The following MTRR variants were observed in gnomAD, a reference collection of about 807,000 sequenced individuals.
MTRR encodes methionine synthase reductase.
A neutral mutation model predicts 79.2 loss-of-function variants in MTRR; 63 were observed. The observed-to-expected ratio is 0.80, with a 90% CI of 0.65 to 0.98. The LOEUF (loss-of-function observed/expected upper bound fraction) is 0.98, where lower values mean the gene tolerates loss of function less well. Among genes scored for constraint, MTRR ranks in the 50% least tolerant of loss-of-function variants. MTRR has a pLI of 0.00. For synonymous variants in MTRR, 355 were observed against 313.3 expected, an observed-to-expected ratio of 1.13 and a Z score of -1.41; for missense variants, 895 against 839.6, an observed-to-expected ratio of 1.07 and a Z score of -0.82.
At chr5:7,856,200 A>G (rs1032116808) in intron 1 of MTRR, among the ~76,000 whole-genome samples, 2 of 152,174 alleles carry the variant, frequency 1.3e-5, no homozygotes, top group African/African-American at 4.8e-5. Context: ...GAGCTCTGCA[A>G]TTGAGGGGGA....
rs548255684 is a variant in MTRR at position 7,886,787 on chromosome 5, C to T, written c.1146+84C>T. The T allele has an allele frequency of 1.0e-4, 109 of 1,085,786 alleles. No homozygotes were observed. The South Asian group carries it at 1.3e-3, about 13-fold the overall frequency. 67.3% of individuals were successfully genotyped at this position (1,085,786 alleles called of 1,614,324 possible). ...ATTGATTAAACAAATTTAGAATATG[C>T]CCTTTGCAGTCTTAAAAAATGTGAT... On this transcript the variant is annotated intron_variant, in intron 8 of 14. Coordinates refer to ENST00000440940, the MANE Select transcript of MTRR (RefSeq NM_002454.3).
At chr5:7,866,904 C>A, upstream of MTRR, 1 of 1,614,154 alleles carries the variant, frequency 6.2e-7, no homozygotes, top group Non-Finnish European at 8.5e-7. Flanking sequence ...ACAAAAGTTT[C>A]TGCCACTGCA....
At chr5:7,872,482 A>G (rs1220740578) in intron 2 of MTRR, among the ~76,000 whole-genome samples, 1 of 152,196 alleles carries the variant, frequency 6.6e-6, no homozygotes, top group Non-Finnish European at 1.5e-5. Flanking sequence ...AATAAACTTG[A>G]TTTGTAAGAG....
intron 4 of MTRR, 32 bp from the exon 5 acceptor site, chr5:7,877,912 T>G: frequency 6.2e-7 from 1 of 1,608,092 alleles, no homozygotes; most frequent in Non-Finnish European, 8.5e-7. Flanking sequence ...CTTAGGCATT[T>G]GTTTTGTTTT....
chr5:7,869,371 G>C (rs921760275), intron 1 of MTRR, 156 bp downstream of exon 1: 1 of 774,166 alleles, frequency 1.3e-6, no homozygotes, highest in Non-Finnish European at 2.1e-6. Flanking sequence ...GCGGGCTGGG[G>C]CTCGGACTTG....
At position 7,900,263 on chromosome 5, in the gene MTRR, G is replaced by A; in HGVS notation, c.*205G>A. The A allele has an allele frequency of 1.7e-6, 1 of 596,050 alleles. No homozygotes were observed. Among genetic ancestry groups the A allele is most frequent in the Non-Finnish European group, 2.8e-6 (1 of 354,474 alleles). The allele number at this position is 596,050 out of a possible 1,614,324, so 36.9% of individuals were successfully genotyped here. Reference sequence around the variant, plus strand: ...TATCTTCTATCTACGCCCTTCCTGTGCCTGTGACTCTCCCCAAATTGCCCT... The same window carrying A: ...TATCTTCTATCTACGCCCTTCCTGTACCTGTGACTCTCCCCAAATTGCCCT... On this transcript the variant is annotated 3_prime_UTR_variant, in exon 15 of 15. Transcript: ENST00000440940.
At chr5:7,869,412 G>C (rs1444619225) in intron 1 of MTRR, 197 bp downstream of exon 1, 9 of 614,122 alleles carry the variant, frequency 1.5e-5, no homozygotes, top group Non-Finnish European at 2.5e-5. Context: ...GTGTCCCCGG[G>C]AGCGTGTCCT....
At chr5:7,897,305 A>G in intron 14 of MTRR, 58 bp downstream of exon 14, 1 of 1,569,842 alleles carries the variant, frequency 6.4e-7, no homozygotes, top group Non-Finnish European at 8.8e-7. Context: ...TGTCTGTAGA[A>G]GAAAAAAAGG....
In MTRR at chr5:7,901,035, T is replaced by C. The variant is rs1739390111; in HGVS notation, c.*977T>C. ...TGTTCTAATATATATTGTATTTTTA[T>C]TTGATAGCTTGGGATTTAAAACATC... is the stretch of plus-strand genomic sequence containing the variant. On this transcript the variant is annotated 3_prime_UTR_variant, in exon 15 of 15. Transcript: ENST00000440940. The C allele has an allele frequency of 6.6e-6, 1 of 152,202 alleles. No individual in the cohort carries two copies. The highest frequency in any genetic ancestry group is 2.1e-4 in the South Asian group (1 of 4,832). 9.4% of individuals were successfully genotyped at this position (152,202 alleles called of 1,614,324 possible). A position where few individuals can be genotyped will look rare whatever the true frequency, so the allele number is the denominator to read the frequency against.
intron 1 of MTRR, among the ~76,000 whole-genome samples, chr5:7,854,830 T>C (rs58925677): frequency 0.022 from 3,284 of 152,176 alleles, 130 homozygotes; most frequent in African/African-American, 0.076. Flanking sequence ...ACTTGGAGTT[T>C]GATGTTCAAG....
At chr5:7,892,483 T>A (rs1235484126) in intron 10 of MTRR, among the ~76,000 whole-genome samples, 6 of 152,180 alleles carry the variant, frequency 3.9e-5, no homozygotes. Context: ...TTTATAAATA[T>A]CATCTAGTCC....
intron 11 of MTRR, 73 bp downstream of exon 11, chr5:7,892,986 C>T (rs1057176974): frequency 1.0e-4 from 149 of 1,481,132 alleles, no homozygotes; most frequent in Non-Finnish European, 1.3e-4. Context: ...ACAGTGTTGT[C>T]TCACCCACAT....
chr5:7,860,269 C>T (rs913594346), intron 1 of MTRR, among the ~76,000 whole-genome samples: 1 of 152,204 alleles, frequency 6.6e-6, no homozygotes, highest in African/African-American at 2.4e-5. Context: ...CTAGTACTGA[C>T]AGCTTAGAGA....
At chr5:7,895,667 T>C (rs1738376880) in intron 11 of MTRR, 67 bp from the exon 12 acceptor site, 1 of 1,586,794 alleles carries the variant, frequency 6.3e-7, no homozygotes, top group Non-Finnish European at 8.7e-7. Flanking sequence ...TTAGCAAAGA[T>C]CATCTTGATT....
At chr5:7,876,287 A>G (rs1341582374) in intron 4 of MTRR, among the ~76,000 whole-genome samples, 3 of 152,144 alleles carry the variant, frequency 2.0e-5, no homozygotes, top group Non-Finnish European at 4.4e-5. Flanking sequence ...GCTTTGTGAC[A>G]TTTCCTTGGG....
At chr5:7,872,385 T>G (rs1561150465) in intron 2 of MTRR, 2 of 341,108 alleles carry the variant, frequency 5.9e-6, no homozygotes, top group Non-Finnish European at 1.1e-5. Context: ...TGTAAGAGTT[T>G]ATAGCTCAGC....
At chr5:7,879,319 T>C (rs1735137944) in intron 5 of MTRR, among the ~76,000 whole-genome samples, 1 of 152,086 alleles carries the variant, frequency 6.6e-6, no homozygotes, top group African/African-American at 2.4e-5. Context: ...GGGATAGAGA[T>C]TAATCATTAA....
intron 11 of MTRR, among the ~76,000 whole-genome samples, chr5:7,894,045 T>C (rs551527848): frequency 1.1e-4 from 16 of 152,346 alleles, no homozygotes; most frequent in African/African-American, 3.6e-4. Flanking sequence ...AAACAATGTG[T>C]GTCCATCATG....
chr5:7,861,744 C>T (rs768296653), intron 1 of MTRR: 70 of 1,526,390 alleles, frequency 4.6e-5, no homozygotes, highest in Non-Finnish European at 5.9e-5. Context: ...TTGATTCCTT[C>T]CACCTTGCAT....
Sources: allele counts gnomAD v4.1 joint callset (sites outside exome capture counted in the v4.1 genomes callset), GRCh38; gene constraint gnomAD v4.1.1; transcripts MANE v1.5; gene names NCBI Gene and HGNC (gene_info 2026-07-23, HGNC 2026-07-21).